Variants in PANX1 observed in about 807,000 individuals in gnomAD.
The protein encoded by PANX1 is pannexin-1.
In PANX1, 30 loss-of-function variants were observed where a neutral mutation model predicts 38.7. That is an observed-to-expected ratio of 0.78 (90% CI 0.58 to 1.05). The LOEUF (loss-of-function observed/expected upper bound fraction) is 1.05, where lower values mean the gene tolerates loss of function less well. PANX1 is among the 50% of genes least tolerant of loss of function. The pLI is 0.00. For synonymous variants in PANX1, 230 were observed against 212.2 expected, an observed-to-expected ratio of 1.08 and a Z score of -0.73; for missense variants, 551 against 517.2, an observed-to-expected ratio of 1.07 and a Z score of -0.63.
intron 2 of PANX1, among the ~76,000 whole-genome samples, chr11:94,165,330 TA>T (rs1186617200): frequency 4.0e-5 from 6 of 151,272 alleles, no homozygotes; most frequent in African/African-American, 7.2e-5. Flanking sequence ...TATTTTTATT[TA>T]TTTTTTTTAA....
At chr11:94,162,518 A>C (rs1171288248) in intron 2 of PANX1, among the ~76,000 whole-genome samples, 1 of 152,236 alleles carries the variant, frequency 6.6e-6, no homozygotes, top group Non-Finnish European at 1.5e-5. Context: ...CCTCCGAGCC[A>C]GGCGCTGGAT....
At chr11:94,133,861 G>C (rs1002706908) in intron 1 of PANX1, among the ~76,000 whole-genome samples, 3 of 152,174 alleles carry the variant, frequency 2.0e-5, no homozygotes, top group Admixed American at 2.0e-4. Context: ...GGAAGTGCCA[G>C]AGCACACTAG....
rs145079824 is a variant in PANX1, at chr11:94,163,665, G to C, written c.321+10035G>C. 7.1e-3 allele frequency among the ~76,000 whole-genome samples: 1,080 copies of C among 152,266 alleles called. 7 individuals are homozygous for C. The highest frequency in any genetic ancestry group is 0.012 in the South Asian group (57 of 4,822). On this transcript the variant is annotated intron_variant, in intron 2 of 4. Coordinates refer to ENST00000227638, the MANE Select transcript of PANX1 (RefSeq NM_015368.4). ...GATTTTTATATCTGTGTTCATCGGA[G>C]GTATTGGCTTATAATTTTACTTGTC...
In PANX1 at chr11:94,129,350, C is replaced by T. The variant is rs960471591; in HGVS notation, c.38C>T (p.Ser13Leu). 2 of 1,613,752 alleles carry T rather than the reference C, an allele frequency of 1.2e-6. No individual in the cohort carries two copies. Among genetic ancestry groups the T allele is most frequent in the Admixed American group, 1.7e-5 (1 of 59,990 alleles). ...CAACTGGCCACGGAGTACGTGTTCT[C>T]GGATTTCTTGCTGAAGGAGCCCACG... ...IAQLATEYVFSDFLLKEPTEP... is the reference protein window; with the variant it reads ...IAQLATEYVFLDFLLKEPTEP... The change falls in exon 1 of 5, where the codon TCG (serine) becomes TTG (leucine). Residue 13 changes from serine to leucine, a missense_variant. Ser to Leu is a moderately radical substitution (Grantham distance 145). Transcript: ENST00000227638.
intron 1 of PANX1, among the ~76,000 whole-genome samples, chr11:94,138,961 C>T (rs958455543): frequency 4.6e-4 from 70 of 152,178 alleles, no homozygotes; most frequent in African/African-American, 1.5e-3. Context: ...TTTATTTGAA[C>T]ATTTACCTCT....
chr11:94,129,317 C>A lies in PANX1; in HGVS notation c.5C>A (p.Ala2Asp), dbSNP rs779284114. Reference sequence around the variant, plus strand: ...CGAGCCTGGCGCGCCGCAGCCATGGCCATCGCTCAACTGGCCACGGAGTAC... The same window carrying A: ...CGAGCCTGGCGCGCCGCAGCCATGGACATCGCTCAACTGGCCACGGAGTAC... Reference protein sequence around the residue: MAIAQLATEYVF... With the variant: MDIAQLATEYVF... Residue 2 changes from alanine to aspartate, a missense_variant, in exon 1 of 5, where the codon GCC (alanine) becomes GAC (aspartate). Physicochemically the swap from Ala to Asp is moderately radical, Grantham distance 126. Coordinates refer to ENST00000227638, the MANE Select transcript of PANX1 (RefSeq NM_015368.4). 2.3e-5 allele frequency: 37 copies of A among 1,606,522 alleles called. No individual in the cohort carries two copies. The highest frequency in any genetic ancestry group is 2.6e-6 in the Non-Finnish European group (3 of 1,174,364).
chr11:94,133,100 T>C (rs1946650186), intron 1 of PANX1, among the ~76,000 whole-genome samples: 1 of 152,196 alleles, frequency 6.6e-6, no homozygotes, highest in Admixed American at 6.5e-5. Context: ...CCCATGGGCA[T>C]AGCAGCAGGC....
chr11:94,140,996 C>A (rs1591507118), intron 1 of PANX1, among the ~76,000 whole-genome samples: 2 of 151,912 alleles, frequency 1.3e-5, no homozygotes, highest in African/African-American at 4.8e-5. Context: ...TTGTAATATC[C>A]CACATCAGTA....
At chr11:94,169,327 G>T (rs557087254) in intron 2 of PANX1, among the ~76,000 whole-genome samples, 2 of 151,514 alleles carry the variant, frequency 1.3e-5, no homozygotes, top group Non-Finnish European at 2.9e-5. Context: ...TGAAAGGCAG[G>T]GTATCTTGTA....
chr11:94,133,454 G>C (rs1337798198), intron 1 of PANX1, among the ~76,000 whole-genome samples: 1 of 152,100 alleles, frequency 6.6e-6, no homozygotes, highest in Non-Finnish European at 1.5e-5. Context: ...GTCCAGATGT[G>C]CCCTGTGATA....
At chr11:94,169,149 G>GT (rs989874633) in intron 2 of PANX1, among the ~76,000 whole-genome samples, 1 of 151,536 alleles carries the variant, frequency 6.6e-6, no homozygotes, top group Non-Finnish European at 1.5e-5. Flanking sequence ...AATAGATAGT[G>GT]TTTAAAGCTA....
At chr11:94,129,923 G>T (rs1946607476) in intron 1 of PANX1, among the ~76,000 whole-genome samples, 1 of 152,240 alleles carries the variant, frequency 6.6e-6, no homozygotes, top group Non-Finnish European at 1.5e-5. Context: ...TCCATGAGAA[G>T]TGTGTTCTTT....
At chr11:94,173,894 C>T (rs1947198998) in intron 2 of PANX1, among the ~76,000 whole-genome samples, 1 of 151,746 alleles carries the variant, frequency 6.6e-6, no homozygotes, top group African/African-American at 2.4e-5. Flanking sequence ...AAATGTATTT[C>T]CTCCTAGTTT....
chr11:94,154,200 A>G (rs1253012318), intron 2 of PANX1, among the ~76,000 whole-genome samples: 6 of 152,118 alleles, frequency 3.9e-5, no homozygotes, highest in Admixed American at 1.3e-4. Context: ...TACTGCAGGG[A>G]AGGGGAGATA....
chr11:94,139,622 T>C (rs1946737603), intron 1 of PANX1, among the ~76,000 whole-genome samples: 1 of 152,204 alleles, frequency 6.6e-6, no homozygotes, highest in Non-Finnish European at 1.5e-5. Context: ...GTTGAGACTC[T>C]CAGCCCCAAC....
Position 94,129,399 on chromosome 11 carries a change from A to G in PANX1, c.87A>G (p.Arg29=). 1 of 1,614,022 alleles carries G rather than the reference A, an allele frequency of 6.2e-7. No homozygotes were observed. The highest frequency in any genetic ancestry group is 1.1e-5 in the South Asian group (1 of 91,056). The change falls in exon 1 of 5, where the codon CGA becomes CGG. Residue 29 remains arginine, a synonymous_variant. Transcript: ENST00000227638. Reference sequence around the variant, plus strand: ...CGGAGCCCAAGTTCAAGGGGCTGCGACTGGAGCTGGCTGTGGACAAGATGG... The same window carrying G: ...CGGAGCCCAAGTTCAAGGGGCTGCGGCTGGAGCTGGCTGTGGACAAGATGG... ...EPTEPKFKGL[R]LELAVDKMVT...
At chr11:94,142,582 G>C (rs140350771) in intron 1 of PANX1, among the ~76,000 whole-genome samples, 2 of 152,264 alleles carry the variant, frequency 1.3e-5, no homozygotes, top group Non-Finnish European at 2.9e-5. Context: ...CTTTGAGTAC[G>C]AACATTTGTC....
intron 2 of PANX1, among the ~76,000 whole-genome samples, chr11:94,173,213 C>T (rs1188070719): frequency 6.6e-6 from 1 of 151,656 alleles, no homozygotes; most frequent in African/African-American, 2.4e-5. Context: ...TGCTTTTCTC[C>T]ATTTCTTCCA....
rs935683144 is a variant in PANX1, at chr11:94,180,802, A to G, written c.1214A>G (p.Asp405Gly). The G allele has an allele frequency of 5.9e-6, 9 of 1,521,246 alleles. No homozygotes were observed. The highest frequency in any genetic ancestry group is 8.2e-6 in the Non-Finnish European group (9 of 1,095,184). The allele number at this position is 1,521,246 out of a possible 1,614,324, so 94.2% of individuals were successfully genotyped here. Reference protein sequence around the residue: ...QTAELQGMNIDSETKANNGEK... With the variant: ...QTAELQGMNIGSETKANNGEK... ...TCAATTTTGACAGGTATGAACATAG[A>G]CAGTGAAACTAAAGCAAATAATGGA... is the stretch of plus-strand genomic sequence containing the variant. The change falls in exon 5 of 5, where the codon GAC becomes GGC. Residue 405 changes from aspartate to glycine, a missense_variant. Physicochemically the swap from Asp to Gly is moderately conservative, Grantham distance 94. Transcript: ENST00000227638.
Sources: gnomAD v4.1 joint callset for allele counts (sites outside exome capture counted in the v4.1 genomes callset) on GRCh38, gnomAD v4.1.1 for gene constraint, MANE v1.5 for transcripts, NCBI Gene and HGNC (gene_info 2026-07-23, HGNC 2026-07-21) for gene names.